Variants in KCNMA1 observed in about 807,000 individuals in gnomAD.
KCNMA1 encodes the protein Calcium-activated potassium channel subunit alpha-1.
KCNMA1 carries 29 observed loss-of-function variants against 140.0 expected under a neutral mutation model. The ratio of observed to expected loss-of-function variants is 0.21; its 90% confidence interval spans 0.15 to 0.28. The LOEUF (loss-of-function observed/expected upper bound fraction) is 0.28. KCNMA1 is among the 10% of genes least tolerant of loss of function. The pLI is 1.00. For missense variants in KCNMA1, 880 were observed against 1,602.2 expected (o/e 0.55, Z 7.70); for synonymous variants, 612 against 611.9 (o/e 1.00, Z 0.00).
intron 23 of KCNMA1, chr10:76,929,895 A>G (rs541912337): frequency 2.2e-5 from 3 of 139,428 alleles, no homozygotes; most frequent in Non-Finnish European, 4.5e-5. Flanking sequence ...AGGACAGTCT[A>G]TTCAATGAAT....
intron 5 of KCNMA1, among the ~76,000 whole-genome samples, chr10:77,138,531 G>A (rs185232266): frequency 2.0e-5 from 3 of 152,218 alleles, no homozygotes; most frequent in East Asian, 1.9e-4. Flanking sequence ...AGCCCCACAC[G>A]GGTCTTCCTG....
Position 77,412,394 on chromosome 10 carries a change from C to T in KCNMA1, c.379-8371G>A, listed in dbSNP as rs577691345. Among the ~76,000 whole-genome samples, 6 of 152,342 alleles carry T rather than the reference C, an allele frequency of 3.9e-5. No homozygotes were observed. In the South Asian group the frequency reaches 8.3e-4, roughly 21 times the overall value. On this transcript the variant is annotated intron_variant, in intron 1 of 27. Transcript: ENST00000286628. Reference sequence around the variant, plus strand: ...GCCACTCCATTGCCCCATCTCCTCTCGTCTGTTGAAACTGACCCAGCAGCC... The same window carrying T: ...GCCACTCCATTGCCCCATCTCCTCTTGTCTGTTGAAACTGACCCAGCAGCC...
At chr10:77,516,382 T>C (rs571100258) in intron 1 of KCNMA1, among the ~76,000 whole-genome samples, 137 of 152,326 alleles carry the variant, frequency 9.0e-4, no homozygotes, top group African/African-American at 3.1e-3. Flanking sequence ...TTTGTGCTTG[T>C]GCACTTATGG....
intron 1 of KCNMA1, among the ~76,000 whole-genome samples, chr10:77,534,280 A>G (rs918164085): frequency 6.6e-6 from 1 of 152,226 alleles, no homozygotes; most frequent in African/African-American, 2.4e-5. Context: ...AGCCATACCA[A>G]GTAGAATGTA....
intron 1 of KCNMA1, among the ~76,000 whole-genome samples, chr10:77,570,743 T>TTA (rs2070889389): frequency 6.7e-6 from 1 of 149,054 alleles, no homozygotes; most frequent in Non-Finnish European, 1.5e-5. Context: ...ATAATAATAA[T>TTA]AAAAAAAAGA....
chr10:77,031,005 T>C (rs750918163), intron 15 of KCNMA1, among the ~76,000 whole-genome samples: 1 of 152,160 alleles, frequency 6.6e-6, no homozygotes, highest in African/African-American at 2.4e-5. Context: ...CCCTTCAAGA[T>C]TGGCTGATCT....
chr10:77,631,179 A>C (rs1308124689), intron 1 of KCNMA1, among the ~76,000 whole-genome samples: 1 of 151,408 alleles, frequency 6.6e-6, no homozygotes, highest in Non-Finnish European at 1.5e-5. Context: ...GGAGATAAAG[A>C]TGTGATATTC....
chr10:77,218,187 C>T (rs1195555333), intron 3 of KCNMA1, among the ~76,000 whole-genome samples: 1 of 152,098 alleles, frequency 6.6e-6, no homozygotes, highest in East Asian at 1.9e-4. Flanking sequence ...GTCCAGCACT[C>T]CATTTCCAAA....
intron 2 of KCNMA1, among the ~76,000 whole-genome samples, chr10:77,333,103 C>G (rs529364513): frequency 1.3e-5 from 2 of 152,110 alleles, no homozygotes; most frequent in African/African-American, 2.4e-5. Context: ...AGGAAGGTCT[C>G]GGTTCTGCCA....
Position 77,329,002 on chromosome 10 carries a change from G to A in KCNMA1, c.540+74860C>T, listed in dbSNP as rs373794060. On this transcript the variant is annotated intron_variant, in intron 2 of 27. Transcript: ENST00000286628. ...ACTACAGGCGCCTGCCACCATGCCC[G>A]GCTAATTTTTTGTATTTTTAGTATG... Among the ~76,000 whole-genome samples, 118 of 151,864 alleles carry A rather than the reference G, an allele frequency of 7.8e-4. No individual in the cohort carries two copies. The East Asian group carries it at 0.02, about 25-fold the overall frequency.
chr10:77,334,874 C>A lies in KCNMA1; in HGVS notation c.540+68988G>T, dbSNP rs149149704. 1.2e-3 allele frequency among the ~76,000 whole-genome samples: 176 copies of A among 152,264 alleles called. 4 individuals carry two copies. The highest frequency in any genetic ancestry group is 3.9e-3 in the African/African-American group (164 of 41,552). On this transcript the variant is annotated intron_variant, in intron 2 of 27. Transcript: ENST00000286628. ...TATATGTAATATATTATAATTTCAA[C>A]ATGTATCCAATATTTTTAAAGTTTT...
chr10:77,177,370 TCTTC>T (rs901644835), intron 5 of KCNMA1, among the ~76,000 whole-genome samples: 3 of 150,850 alleles, frequency 2.0e-5, no homozygotes, highest in African/African-American at 7.3e-5. Context: ...TTGCTTCCTT[TCTTC>T]CTTCCTTCAC....
intron 1 of KCNMA1, among the ~76,000 whole-genome samples, chr10:77,518,436 C>T (rs1347933914): frequency 6.6e-6 from 1 of 152,174 alleles, no homozygotes; most frequent in Non-Finnish European, 1.5e-5. Context: ...TGCCCTCCCC[C>T]AGCATCCATT....
At chr10:77,464,548 T>C (rs546258583) in intron 1 of KCNMA1, among the ~76,000 whole-genome samples, 4 of 152,192 alleles carry the variant, frequency 2.6e-5, no homozygotes, top group African/African-American at 9.6e-5. Context: ...CATCTGGAAA[T>C]CCCTGGTCTG....
At position 77,079,541 on chromosome 10, in the gene KCNMA1, G is replaced by A. The variant is rs2096506762; in HGVS notation, c.1533C>T (p.Ser511=). ...EDASNIMRVI[S]IKNYHPKIRI... ...TTATCTTCGGATGGTAGTTCTTTAT[G>A]GAGATTACTCTGAAAAAGAAAGAAC... The change falls in exon 13 of 28, where the codon TCC becomes TCT. Residue 511 remains serine, a synonymous_variant. Coordinates refer to ENST00000286628, the MANE Select transcript of KCNMA1 (RefSeq NM_001161352.2). 1 of 1,605,482 alleles carries A rather than the reference G, an allele frequency of 6.2e-7. No individual in the cohort carries two copies. The highest frequency in any genetic ancestry group is 1.3e-5 in the African/African-American group (1 of 74,718).
intron 2 of KCNMA1, among the ~76,000 whole-genome samples, chr10:77,295,795 A>AAAAC (rs2074867453): frequency 6.7e-6 from 1 of 148,562 alleles, no homozygotes. Context: ...CTCAAAAAAA[A>AAAAC]AAAAAAAAAA....
chr10:77,606,745 G>T (rs1314021276), intron 1 of KCNMA1, among the ~76,000 whole-genome samples: 1 of 152,124 alleles, frequency 6.6e-6, no homozygotes, highest in African/African-American at 2.4e-5. Context: ...ATCACTGGGT[G>T]GTCTCCTCTG....
Position 77,496,025 on chromosome 10 carries a change from C to A in KCNMA1, c.379-92002G>T, listed in dbSNP as rs568537118. ...CCATCGGTCTGATAAAGACACAGAGCCCTCCTTGGAGGCCTGGAAGCCCCA... is the reference window on the plus strand; with the variant it reads ...CCATCGGTCTGATAAAGACACAGAGACCTCCTTGGAGGCCTGGAAGCCCCA... On this transcript the variant is annotated intron_variant, in intron 1 of 27. Transcript: ENST00000286628. Among the ~76,000 whole-genome samples, 22 of 152,298 alleles carry A rather than the reference C, an allele frequency of 1.4e-4. No individual in the cohort carries two copies. In the East Asian group the frequency reaches 4.3e-3, roughly 29 times the overall value.
chr10:77,360,184 A>C (rs2093827768), intron 2 of KCNMA1, among the ~76,000 whole-genome samples: 1 of 152,230 alleles, frequency 6.6e-6, no homozygotes, highest in African/African-American at 2.4e-5. Context: ...AAAAGGAAGA[A>C]AAATATATAA....
Sources: allele counts gnomAD v4.1 joint callset (sites outside exome capture counted in the v4.1 genomes callset), GRCh38; gene constraint gnomAD v4.1.1; transcripts MANE v1.5; gene names NCBI Gene and HGNC (gene_info 2026-07-23, HGNC 2026-07-21).